IFITM10: variants seen among roughly 807,000 people sequenced by gnomAD.
IFITM10 encodes the protein interferon-induced transmembrane protein 10.
A neutral mutation model predicts 19.0 loss-of-function variants in IFITM10; 17 were observed. That is an observed-to-expected ratio of 0.90 (90% CI 0.61 to 1.34). The LOEUF (loss-of-function observed/expected upper bound fraction) is 1.34. Among genes scored for constraint, IFITM10 ranks in the 40% most tolerant of loss-of-function variants. The pLI is 0.00. For synonymous variants in IFITM10, 148 were observed against 147.2 expected (o/e 1.01, Z -0.04); for missense variants, 306 against 319.8 (o/e 0.96, Z 0.33).
At position 1,749,160 on chromosome 11, in the gene IFITM10, G is replaced by A. The variant is rs571284106; in HGVS notation, c.85-1041C>T. Reference sequence around the variant, plus strand: ...GGTGGGGAGCGCGCGGGGCTCGGCGGCGGCGCCGCTGCCTCCCCCGCCGCC... The same window carrying A: ...GGTGGGGAGCGCGCGGGGCTCGGCGACGGCGCCGCTGCCTCCCCCGCCGCC... On this transcript the variant is annotated intron_variant, in intron 1 of 2. Transcript: ENST00000340134. The A allele has an allele frequency of 4.4e-4, 411 of 939,908 alleles. 4 individuals are homozygous for A. The African/African-American group carries it at 6.8e-3, about 16-fold the overall frequency. 58.2% of individuals were successfully genotyped at this position (939,908 alleles called of 1,614,324 possible). A position where few individuals can be genotyped will look rare whatever the true frequency, so the allele number is the denominator to read the frequency against.
Position 1,748,086 on chromosome 11 carries a change from C to A in IFITM10, c.118G>T (p.Gly40Ter). 2 of 1,409,580 alleles carry A rather than the reference C, an allele frequency of 1.4e-6. No homozygotes were observed. Among genetic ancestry groups the A allele is most frequent in the Non-Finnish European group, 1.8e-6 (2 of 1,089,104 alleles). 87.3% of individuals were successfully genotyped at this position (1,409,580 alleles called of 1,614,324 possible). The stretch of plus-strand genomic sequence containing the variant: ...CCGTCCGTGGTGCTGGCCGGGTCTC[C>A]CAGCGGGGCTGGGCACTGGCCGGGG... ...QGPGQCPAPLGDPASTTDGAQ... is the reference protein window; with the variant it reads ...QGPGQCPAPL Residue 40 changes from glycine to a stop codon, truncating the protein, a stop_gained, in exon 2 of 3, where the codon GGA (glycine) becomes TGA (stop). Coordinates refer to ENST00000340134, the MANE Select transcript of IFITM10 (RefSeq NM_001170820.4). LOFTEE classifies it high-confidence loss of function.
intron 1 of IFITM10, among the ~76,000 whole-genome samples, chr11:1,749,698 G>A (rs1481970920): frequency 6.7e-6 from 1 of 150,068 alleles, no homozygotes; most frequent in African/African-American, 2.5e-5. Context: ...CTGACTGCCC[G>A]TCTCTGCCCC....
chr11:1,732,440 T>A lies in IFITM10; in HGVS notation c.*2840A>T, dbSNP rs748995312. ...TCGTTCGTACAATGTTTATTGAATG[T>A]CAAATGTCTGCCAGGCACTGTGCAA... On this transcript the variant is annotated 3_prime_UTR_variant, in exon 3 of 3. Transcript: ENST00000340134. 1 of 152,300 alleles carries A rather than the reference T, an allele frequency of 6.6e-6. No individual in the cohort carries two copies. Among genetic ancestry groups the A allele is most frequent in the Non-Finnish European group, 1.5e-5 (1 of 68,094 alleles). 9.4% of individuals were successfully genotyped at this position (152,300 alleles called of 1,614,324 possible).
intron 2 of IFITM10, among the ~76,000 whole-genome samples, chr11:1,740,012 A>G (rs1308134979): frequency 6.6e-6 from 1 of 152,120 alleles, no homozygotes; most frequent in East Asian, 1.9e-4. Context: ...GTAAGAACAG[A>G]TGGCAGGGGC....
rs1210977704 is a variant in IFITM10 at position 1,734,104 on chromosome 11, GCTT to G, written c.*1173_*1175del. Reference sequence around the variant, plus strand: ...CTCCACACCCATGGCCACTGCCTCGGCTTCTTCTCCATCTTCACCTCCCCACCT... The same window carrying G: ...CTCCACACCCATGGCCACTGCCTCGGCTTCTCCATCTTCACCTCCCCACCT... On this transcript the variant is annotated 3_prime_UTR_variant, in exon 3 of 3. Transcript: ENST00000340134. 1 of 152,500 alleles carries G rather than the reference GCTT, an allele frequency of 6.6e-6. No individual in the cohort carries two copies. Among genetic ancestry groups the G allele is most frequent in the African/African-American group, 2.4e-5 (1 of 41,446 alleles). The allele number at this position is 152,500 out of a possible 1,614,324, so 9.4% of individuals were successfully genotyped here.
chr11:1,748,195 G>T, intron 1 of IFITM10, 76 bp from the exon 2 acceptor site: 1 of 1,109,416 alleles, frequency 9.0e-7, no homozygotes, highest in South Asian at 3.2e-5. Context: ...GCAGCTCCGA[G>T]AACAGCCCCA....
At chr11:1,747,458 C>T (rs1845664039) in intron 2 of IFITM10, among the ~76,000 whole-genome samples, 1 of 152,138 alleles carries the variant, frequency 6.6e-6, no homozygotes, top group African/African-American at 2.4e-5. Flanking sequence ...CAGACCCCTG[C>T]CCGCCCAGAC....
chr11:1,739,737 C>T (rs1182798632), intron 2 of IFITM10, among the ~76,000 whole-genome samples: 15 of 151,828 alleles, frequency 9.9e-5, no homozygotes, highest in African/African-American at 2.9e-4. Context: ...GAGGAAAGAT[C>T]GGAAGAATGT....
Position 1,750,242 on chromosome 11 carries a change from T to A in IFITM10, c.84+117A>T, listed in dbSNP as rs972230597. Reference sequence around the variant, plus strand: ...ATGCTTGACGCCAGCTGATCTTCCATCCCCATAACAGTCCCCATGAGTTCC... The same window carrying A: ...ATGCTTGACGCCAGCTGATCTTCCAACCCCATAACAGTCCCCATGAGTTCC... On this transcript the variant is annotated intron_variant, in intron 1 of 2. Coordinates refer to ENST00000340134, the MANE Select transcript of IFITM10 (RefSeq NM_001170820.4). The A allele has an allele frequency of 1.1e-5, 16 of 1,519,314 alleles. No individual in the cohort carries two copies. In the African/African-American group the frequency reaches 1.4e-4, roughly 13 times the overall value. The allele number at this position is 1,519,314 out of a possible 1,614,324, so 94.1% of individuals were successfully genotyped here.
In IFITM10 at chr11:1,734,248, T is replaced by A. The variant is rs534758457; in HGVS notation, c.*1032A>T. ...CTGAGTTCCAAGGGGACAGAGCCCA[T>A]CCCTGCATCCTGCCTCCCACATTGT... On this transcript the variant is annotated 3_prime_UTR_variant, in exon 3 of 3. Coordinates refer to ENST00000340134, the MANE Select transcript of IFITM10 (RefSeq NM_001170820.4). 6.6e-6 allele frequency: 1 copy of A among 152,358 alleles called. No individual in the cohort carries two copies. Among genetic ancestry groups the A allele is most frequent in the South Asian group, 2.1e-4 (1 of 4,832 alleles). 9.4% of individuals were successfully genotyped at this position (152,358 alleles called of 1,614,324 possible). A position where few individuals can be genotyped will look rare whatever the true frequency, so the allele number is the denominator to read the frequency against.
In IFITM10 at chr11:1,745,980, A is replaced by G. The variant is rs1845640811; in HGVS notation, c.537+1687T>C. On this transcript the variant is annotated intron_variant, in intron 2 of 2. Coordinates refer to ENST00000340134, the MANE Select transcript of IFITM10 (RefSeq NM_001170820.4). ...GTGCCATGCACACTCATGTGTGATTACACACACGTGCACACTCAGGTACAT... is the reference window on the plus strand; with the variant it reads ...GTGCCATGCACACTCATGTGTGATTGCACACACGTGCACACTCAGGTACAT... 2.6e-5 allele frequency: 4 copies of G among 152,122 alleles called. No homozygotes were observed. The South Asian group carries it at 8.3e-4, about 31-fold the overall frequency. 9.4% of individuals were successfully genotyped at this position (152,122 alleles called of 1,614,324 possible).
chr11:1,739,735 A>T (rs1473499667), intron 2 of IFITM10, among the ~76,000 whole-genome samples: 1 of 152,042 alleles, frequency 6.6e-6, no homozygotes, highest in Admixed American at 6.6e-5. Context: ...TTGAGGAAAG[A>T]TCGGAAGAAT....
chr11:1,749,851 G>A (rs781061192), intron 1 of IFITM10, among the ~76,000 whole-genome samples: 19 of 152,002 alleles, frequency 1.2e-4, no homozygotes, highest in Admixed American at 9.2e-4. Flanking sequence ...CCTGCCCATC[G>A]GAGCTCCTGC....
Position 1,747,817 on chromosome 11 carries a change from G to T in IFITM10, c.387C>A (p.Ala129=). ...TGGGGTTGGTCATCGTCTTCTTCTCGGCTAGGTGCTTGCAGGCAGGGGGCG... is the reference window on the plus strand; with the variant it reads ...TGGGGTTGGTCATCGTCTTCTTCTCTGCTAGGTGCTTGCAGGCAGGGGGCG... ...AGAPPACKHL[A]EKKTMTNPTT... is the part of the protein sequence containing the mutation. Residue 129 remains alanine, a synonymous_variant, in exon 2 of 3, where the codon GCC becomes GCA. Coordinates refer to ENST00000340134, the MANE Select transcript of IFITM10 (RefSeq NM_001170820.4). The T allele has an allele frequency of 6.5e-7, 1 of 1,549,780 alleles. No homozygotes were observed. Among genetic ancestry groups the T allele is most frequent in the Non-Finnish European group, 8.7e-7 (1 of 1,145,686 alleles).
chr11:1,748,347 C>G (rs375876365), intron 1 of IFITM10: 70 of 410,370 alleles, frequency 1.7e-4, no homozygotes, highest in African/African-American at 1.3e-3. Context: ...TTCATCACTT[C>G]GCCATCTGCG....
intron 2 of IFITM10, among the ~76,000 whole-genome samples, chr11:1,735,938 C>A (rs753863387): frequency 2.0e-5 from 3 of 152,086 alleles, no homozygotes; most frequent in Non-Finnish European, 2.9e-5. Context: ...GCAGGAGAGA[C>A]AGCAGTCCAC....
chr11:1,742,377 G>C (rs983724074), intron 2 of IFITM10, among the ~76,000 whole-genome samples: 4 of 152,160 alleles, frequency 2.6e-5, no homozygotes, highest in African/African-American at 9.7e-5. Context: ...AGAGGGAAAA[G>C]AAGAACGTGA....
chr11:1,747,632 G>A (rs1845666004), intron 2 of IFITM10, 35 bp downstream of exon 2: 1 of 1,537,376 alleles, frequency 6.5e-7, no homozygotes, highest in African/African-American at 1.4e-5. Flanking sequence ...CACCTCTCTA[G>A]CCCGCCCTTG....
rs143108004 is a variant in IFITM10, at chr11:1,747,997, C to T, written c.207G>A (p.Ser69=). The T allele has an allele frequency of 7.8e-4, 1,122 of 1,442,282 alleles. 9 individuals carry two copies. The Middle Eastern group carries it at 0.014, about 19-fold the overall frequency. 89.3% of individuals were successfully genotyped at this position (1,442,282 alleles called of 1,614,324 possible). ...ACACGCAAGCGAAGCAGCCCTTGGG[C>T]GAACCTGCCGGGGGCCTCGGAATCC... ...AFWIPRPPAG[S]PKGCFACVSK... The change falls in exon 2 of 3, where the codon TCG becomes TCA. Residue 69 remains serine, a synonymous_variant. Coordinates refer to ENST00000340134, the MANE Select transcript of IFITM10 (RefSeq NM_001170820.4).
Sources: gnomAD v4.1 joint callset for allele counts (sites outside exome capture counted in the v4.1 genomes callset) on GRCh38, gnomAD v4.1.1 for gene constraint, MANE v1.5 for transcripts, NCBI Gene and HGNC (gene_info 2026-07-23, HGNC 2026-07-21) for gene names.